TOM1: variants seen among roughly 807,000 people sequenced by gnomAD.
TOM1 encodes target of myb1 membrane trafficking protein.
TOM1 carries 38 observed loss-of-function variants against 61.3 expected under a neutral mutation model. That is an observed-to-expected ratio of 0.62 (90% CI 0.48 to 0.81). The LOEUF (loss-of-function observed/expected upper bound fraction) is 0.81. Among genes scored for constraint, TOM1 ranks in the 40% least tolerant of loss-of-function variants. TOM1 has a pLI of 0.00. For missense variants in TOM1, 591 were observed against 659.6 expected (o/e 0.90, Z 1.14); for synonymous variants, 270 against 268.8 (o/e 1.00, Z -0.04).
chr22:35,324,140 T>C (rs982821930), intron 6 of TOM1, among the ~76,000 whole-genome samples: 8 of 152,242 alleles, frequency 5.3e-5, no homozygotes, highest in Admixed American at 1.3e-4. Context: ...AGCTCACGTC[T>C]GTCTGACTCC....
chr22:35,322,966 G>A, intron 3 of TOM1, 62 bp from the exon 4 acceptor site: 12 of 1,585,318 alleles, frequency 7.6e-6, no homozygotes, highest in Non-Finnish European at 1.0e-5. Flanking sequence ...CACGAGGGTG[G>A]GGGTTCTGAG....
At chr22:35,299,697 T>C (rs1011104241), upstream of TOM1, 22 of 575,908 alleles carry the variant, frequency 3.8e-5, 1 homozygote, top group East Asian at 6.1e-4. Flanking sequence ...CCCCAGACCC[T>C]ACATCGTGTG....
intron 1 of TOM1, 114 bp from the exon 2 acceptor site, chr22:35,317,763 A>G: frequency 1.3e-6 from 1 of 747,060 alleles, no homozygotes. Flanking sequence ...AGTGTCTGTC[A>G]TCTTCCTCCT....
At position 35,333,472 on chromosome 22, in the gene TOM1, C is replaced by T. The variant is rs1476797333; in HGVS notation, c.1002C>T (p.Asn334=). ...DMGPDPAATG[N]LSSQLAGMNL... Reference sequence around the variant, plus strand: ...GCCCTGACCCAGCAGCCACCGGCAACCTCTCATCCCAGCTGGCAGGAATGA... The same window carrying T: ...GCCCTGACCCAGCAGCCACCGGCAATCTCTCATCCCAGCTGGCAGGAATGA... Residue 334 remains asparagine (N), a synonymous_variant, in exon 10 of 15, where the codon AAC becomes AAT. Transcript: ENST00000449058. 3 of 1,614,080 alleles carry T rather than the reference C, an allele frequency of 1.9e-6. No individual in the cohort carries two copies. The highest frequency in any genetic ancestry group is 1.6e-4 in the Middle Eastern group (1 of 6,082).
intron 1 of TOM1, among the ~76,000 whole-genome samples, chr22:35,308,722 C>T (rs1334162031): frequency 6.6e-6 from 1 of 152,208 alleles, no homozygotes; most frequent in Non-Finnish European, 1.5e-5. Context: ...CCACTTCAAG[C>T]CTCTGCCTTC....
intron 12 of TOM1, among the ~76,000 whole-genome samples, chr22:35,343,908 C>CCTACACACACCACACACAT (rs1930258222): frequency 6.6e-6 from 1 of 150,840 alleles, no homozygotes; most frequent in Non-Finnish European, 1.5e-5. Context: ...CACACACACC[C>CCTACACACACCACACACAT]CTACACACAC....
At chr22:35,307,564 A>G (rs1926433924) in intron 1 of TOM1, among the ~76,000 whole-genome samples, 1 of 152,166 alleles carries the variant, frequency 6.6e-6, no homozygotes, top group South Asian at 2.1e-4. Flanking sequence ...CTCCTCCTCA[A>G]GGGACACGGG....
Position 35,313,353 on chromosome 22 carries a change from A to G in TOM1, c.53-4524A>G, listed in dbSNP as rs543895726. Among the ~76,000 whole-genome samples, 10 of 152,100 alleles carry G rather than the reference A, an allele frequency of 6.6e-5. No individual in the cohort carries two copies. The East Asian group carries it at 7.7e-4, about 12-fold the overall frequency. ...CAGAACGAGACTGTCTCAAAAAAAAAAAAGAAAGAAAGGGGTGATACCATA... is the reference window on the plus strand; with the variant it reads ...CAGAACGAGACTGTCTCAAAAAAAAGAAAGAAAGAAAGGGGTGATACCATA... On this transcript the variant is annotated intron_variant, in intron 1 of 14. Coordinates refer to ENST00000449058, the MANE Select transcript of TOM1 (RefSeq NM_005488.3).
intron 9 of TOM1, 177 bp downstream of exon 9, chr22:35,333,191 C>T: frequency 3.7e-6 from 3 of 820,562 alleles, no homozygotes; most frequent in South Asian, 3.2e-5. Context: ...AAGGCTGTGC[C>T]ACCACCTGAT....
chr22:35,307,712 A>G (rs1320450367), intron 1 of TOM1, among the ~76,000 whole-genome samples: 1 of 152,218 alleles, frequency 6.6e-6, no homozygotes, highest in Non-Finnish European at 1.5e-5. Context: ...CCAGAAGGGA[A>G]GGACGGAGCC....
intron 12 of TOM1, among the ~76,000 whole-genome samples, chr22:35,339,223 C>T (rs771566490): frequency 1.3e-5 from 2 of 151,974 alleles, no homozygotes; most frequent in Non-Finnish European, 2.9e-5. Context: ...CCCAGCTACT[C>T]GGGAGGCTAA....
chr22:35,309,643 C>CAAAAAA (rs537199618), intron 1 of TOM1, among the ~76,000 whole-genome samples: 1 of 111,236 alleles, frequency 9.0e-6, no homozygotes, highest in Non-Finnish European at 1.7e-5. Context: ...GACTCCATCT[C>CAAAAAA]AAAAAAAAAA....
chr22:35,322,591 G>C (rs1927894266), intron 3 of TOM1: 1 of 191,754 alleles, frequency 5.2e-6, no homozygotes, highest in Non-Finnish European at 1.1e-5. Context: ...ATTGGCTTAA[G>C]CAAAAAGCAA....
Position 35,330,498 on chromosome 22 carries a change from C to CCTGGCCT in TOM1, c.899+26_899+32dup. On this transcript the variant is annotated intron_variant, in intron 8 of 14. Coordinates refer to ENST00000449058, the MANE Select transcript of TOM1 (RefSeq NM_005488.3). ...CATGAACGGTAGCCCCAGCACCTCC[C>CCTGGCCT]CTGGCCTCTGGCCTACTGCCCCAAC... is the stretch of plus-strand genomic sequence containing the variant. The CCTGGCCT allele has an allele frequency of 6.2e-7, 1 of 1,601,324 alleles. No homozygotes were observed. Among genetic ancestry groups the CCTGGCCT allele is most frequent in the South Asian group, 1.1e-5 (1 of 89,504 alleles).
chr22:35,331,176 G>A (rs1928809988), intron 8 of TOM1: 3 of 372,656 alleles, frequency 8.1e-6, no homozygotes. Context: ...GCTCACTGCA[G>A]CCTCAACCTC....
intron 3 of TOM1, 140 bp from the exon 4 acceptor site, chr22:35,322,888 T>C (rs1323866178): frequency 9.9e-7 from 1 of 1,014,128 alleles, no homozygotes; most frequent in Non-Finnish European, 1.4e-6. Context: ...GTCCTCCACA[T>C]TCAAGGGTCT....
At chr22:35,343,984 CACAT>C (rs1930271823) in intron 12 of TOM1, among the ~76,000 whole-genome samples, 1 of 151,018 alleles carries the variant, frequency 6.6e-6, no homozygotes, top group Non-Finnish European at 1.5e-5. Flanking sequence ...CCTACACCTA[CACAT>C]ACAAACCTAC....
chr22:35,333,610 C>T, intron 10 of TOM1, 113 bp downstream of exon 10: 1 of 956,294 alleles, frequency 1.0e-6, no homozygotes, highest in Non-Finnish European at 1.6e-6. Flanking sequence ...CAGTCTGGAC[C>T]CCACCTTGCT....
intron 1 of TOM1, among the ~76,000 whole-genome samples, chr22:35,315,030 G>A (rs957477364): frequency 2.0e-5 from 3 of 152,200 alleles, no homozygotes; most frequent in Non-Finnish European, 2.9e-5. Context: ...AGGCCAGGTC[G>A]AAGACTAGGG....
Sources: gnomAD v4.1 joint callset for allele counts (sites outside exome capture counted in the v4.1 genomes callset) on GRCh38, gnomAD v4.1.1 for gene constraint, MANE v1.5 for transcripts, NCBI Gene and HGNC (gene_info 2026-07-23, HGNC 2026-07-21) for gene names.